TIMMDC1: variants seen among roughly 807,000 people sequenced by gnomAD.
The protein encoded by TIMMDC1 is complex I assembly factor TIMMDC1, mitochondrial.
A neutral mutation model predicts 32.6 loss-of-function variants in TIMMDC1; 25 were observed. The observed-to-expected ratio is 0.77, with a 90% confidence interval of 0.56 to 1.07. The LOEUF is 1.07. Among genes scored for constraint, TIMMDC1 ranks in the 50% least tolerant of loss-of-function variants. The probability of loss-of-function intolerance (pLI) is 0.00; values close to 1 mark genes in which losing one functional copy is unlikely to be tolerated. For synonymous variants in TIMMDC1, 130 were observed against 127.6 expected, an observed-to-expected ratio of 1.02 and a Z score of -0.13; for missense variants, 329 against 349.2, an observed-to-expected ratio of 0.94 and a Z score of 0.46.
intron 4 of TIMMDC1, among the ~76,000 whole-genome samples, chr3:119,512,339 C>T (rs1011911967): frequency 2.0e-5 from 3 of 152,230 alleles, no homozygotes; most frequent in East Asian, 1.9e-4. Context: ...AGTGCAGTGA[C>T]GCGATCTCGG....
In TIMMDC1 at chr3:119,523,843, GC is replaced by G; in HGVS notation, c.*89del. 3 of 1,352,060 alleles carry G rather than the reference GC, an allele frequency of 2.2e-6. No individual in the cohort carries two copies. The highest frequency in any genetic ancestry group is 2.9e-6 in the Non-Finnish European group (3 of 1,021,696). 83.8% of individuals were successfully genotyped at this position (1,352,060 alleles called of 1,614,324 possible). A position where few individuals can be genotyped will look rare whatever the true frequency, so the allele number is the denominator to read the frequency against. ...CAACAGACAGGCCACTCTTTGGTCAGCCTGCTGACAAATTTAAGTGCTGGTA... is the reference window on the plus strand; with the variant it reads ...CAACAGACAGGCCACTCTTTGGTCAGCTGCTGACAAATTTAAGTGCTGGTA... On this transcript the variant is annotated 3_prime_UTR_variant, in exon 7 of 7. Coordinates refer to ENST00000494664, the MANE Select transcript of TIMMDC1 (RefSeq NM_016589.4).
At chr3:119,511,080 C>T (rs1187841612) in intron 4 of TIMMDC1, among the ~76,000 whole-genome samples, 1 of 152,132 alleles carries the variant, frequency 6.6e-6, no homozygotes, top group Non-Finnish European at 1.5e-5. Context: ...TAAAGACATA[C>T]ATTTTTCTTA....
At chr3:119,509,769 T>C (rs1007342416) in intron 4 of TIMMDC1, among the ~76,000 whole-genome samples, 14 of 150,936 alleles carry the variant, frequency 9.3e-5, no homozygotes, top group Non-Finnish European at 1.6e-4. Context: ...CGCTGCAACC[T>C]CCACCTTCCG....
At chr3:119,512,492 T>C (rs1424848953) in intron 4 of TIMMDC1, among the ~76,000 whole-genome samples, 2 of 152,102 alleles carry the variant, frequency 1.3e-5, no homozygotes, top group East Asian at 3.9e-4. Flanking sequence ...TTGGCCAGGC[T>C]GGTCTTGAAT....
At position 119,503,995 on chromosome 3, in the gene TIMMDC1, C is replaced by G. The variant is rs376259008; in HGVS notation, c.491C>G (p.Ala164Gly). Residue 164 changes from alanine to glycine, a missense_variant, in exon 4 of 7, where the codon GCC becomes GGC. Coordinates refer to ENST00000494664, the MANE Select transcript of TIMMDC1 (RefSeq NM_016589.4). ...CTGAATGTATACCGAAATAAAGATG[C>G]CTTAAGCCATTTTGTAATTGCAGGA... is the stretch of plus-strand genomic sequence containing the variant. ...TSLNVYRNKD[A>G]LSHFVIAGAV... 1.9e-6 allele frequency: 3 copies of G among 1,613,144 alleles called. No individual in the cohort carries two copies. Among genetic ancestry groups the G allele is most frequent in the African/African-American group, 2.7e-5 (2 of 74,882 alleles).
rs757739067 is a variant in TIMMDC1 at position 119,498,688 on chromosome 3, T to G, written c.-46T>G. 4 of 1,593,092 alleles carry G rather than the reference T, an allele frequency of 2.5e-6. No homozygotes were observed. The highest frequency in any genetic ancestry group is 3.4e-5 in the Admixed American group (2 of 59,152). Reference sequence around the variant, plus strand: ...TCTCCCGCGGCACGTCCGCGAGGACTTGAAGTCCTGAGCGCTCAAGTTTGT... The same window carrying G: ...TCTCCCGCGGCACGTCCGCGAGGACGTGAAGTCCTGAGCGCTCAAGTTTGT... On this transcript the variant is annotated 5_prime_UTR_variant, in exon 1 of 7. Transcript: ENST00000494664.
rs761655693 is a variant in TIMMDC1, at chr3:119,513,627, T to C, written c.518-14T>C. 2 of 1,602,622 alleles carry C rather than the reference T, an allele frequency of 1.2e-6. No individual in the cohort carries two copies. Among genetic ancestry groups the C allele is most frequent in the Non-Finnish European group, 1.7e-6 (2 of 1,169,718 alleles). Reference sequence around the variant, plus strand: ...TAAAGATGATTTAATATTGCCTTTCTTGTTTTTAAATAGCTGTCACGGGAA... The same window carrying C: ...TAAAGATGATTTAATATTGCCTTTCCTGTTTTTAAATAGCTGTCACGGGAA... On this transcript the variant is annotated splice_polypyrimidine_tract_variant and intron_variant, in intron 4 of 6. Coordinates refer to ENST00000494664, the MANE Select transcript of TIMMDC1 (RefSeq NM_016589.4).
intron 6 of TIMMDC1, among the ~76,000 whole-genome samples, chr3:119,517,843 C>T (rs929538780): frequency 1.3e-5 from 2 of 152,112 alleles, no homozygotes; most frequent in Non-Finnish European, 2.9e-5. Flanking sequence ...TGGCACGTGC[C>T]TGTAGTCCCA....
At chr3:119,518,293 G>A (rs901644840) in intron 6 of TIMMDC1, among the ~76,000 whole-genome samples, 1 of 152,090 alleles carries the variant, frequency 6.6e-6, no homozygotes, top group African/African-American at 2.4e-5. Flanking sequence ...GGGTACCTAA[G>A]ACAGCATTGG....
intron 2 of TIMMDC1, among the ~76,000 whole-genome samples, chr3:119,501,187 A>G (rs1323462983): frequency 1.3e-5 from 2 of 152,250 alleles, no homozygotes; most frequent in Non-Finnish European, 2.9e-5. Flanking sequence ...CCATGAGTAT[A>G]GGAGCTCACA....
chr3:119,504,586 A>G (rs1026344025), intron 4 of TIMMDC1, among the ~76,000 whole-genome samples: 2 of 152,182 alleles, frequency 1.3e-5, no homozygotes, highest in Non-Finnish European at 2.9e-5. Context: ...CCTCTAGTAT[A>G]TATATGTATA....
At position 119,498,871 on chromosome 3, in the gene TIMMDC1, A is replaced by G; in HGVS notation, c.138A>G (p.Pro46=). ...EERQKRLPYV[P]EPYYPESGWD... ...GTCAGAAGCGGCTTCCCTACGTCCC[A>G]GAGCCCTATTACCCGGAATCTGGAT... Residue 46 remains proline, a synonymous_variant, in exon 1 of 7, where the codon CCA becomes CCG. Coordinates refer to ENST00000494664, the MANE Select transcript of TIMMDC1 (RefSeq NM_016589.4). 3 of 1,614,180 alleles carry G rather than the reference A, an allele frequency of 1.9e-6. No individual in the cohort carries two copies. The highest frequency in any genetic ancestry group is 2.5e-6 in the Non-Finnish European group (3 of 1,180,024).
chr3:119,521,268 T>C (rs1382809668), intron 6 of TIMMDC1, among the ~76,000 whole-genome samples: 1 of 152,090 alleles, frequency 6.6e-6, no homozygotes, highest in Non-Finnish European at 1.5e-5. Context: ...ATAAAGGGCA[T>C]TGGAGGCCAG....
Position 119,522,804 on chromosome 3 carries a change from T to TG in TIMMDC1, c.708-802_708-801insG, listed in dbSNP as rs1553780708. On this transcript the variant is annotated intron_variant, in intron 6 of 6. Transcript: ENST00000494664. The stretch of plus-strand genomic sequence containing the variant: ...GTATAGCATATACACGTATGGGTGT[T>TG]TGTGTGTGTGTGTGTGTGTGTGTGT... 1.0e-3 allele frequency among the ~76,000 whole-genome samples: 150 copies of TG among 148,754 alleles called. 2 individuals carry two copies. Among genetic ancestry groups the TG allele is most frequent in the Middle Eastern group, 7.1e-3 (2 of 280 alleles).
chr3:119,499,014 C>T, intron 1 of TIMMDC1, 87 bp downstream of exon 1: 2 of 1,088,612 alleles, frequency 1.8e-6, no homozygotes, highest in Non-Finnish European at 2.7e-6. Flanking sequence ...CCTTAGGACA[C>T]CAAGGATGGT....
chr3:119,507,503 T>C (rs527268211), intron 4 of TIMMDC1, among the ~76,000 whole-genome samples: 205 of 152,350 alleles, frequency 1.3e-3, no homozygotes, highest in African/African-American at 4.8e-3. Flanking sequence ...TGATTCTCTC[T>C]TCGAATTTCC....
intron 3 of TIMMDC1, 117 bp downstream of exon 3, chr3:119,503,737 C>A: frequency 1.4e-6 from 1 of 734,062 alleles, no homozygotes; most frequent in Non-Finnish European, 1.9e-6. Flanking sequence ...ATTAATAATG[C>A]CTTTTTTTTT....
chr3:119,517,165 G>T lies in TIMMDC1; in HGVS notation c.597-40G>T, dbSNP rs2107734018. The T allele has an allele frequency of 2.3e-6, 3 of 1,327,320 alleles. No homozygotes were observed. The South Asian group carries it at 3.5e-5, about 16-fold the overall frequency. 82.2% of individuals were successfully genotyped at this position (1,327,320 alleles called of 1,614,324 possible). A position where few individuals can be genotyped will look rare whatever the true frequency, so the allele number is the denominator to read the frequency against. On this transcript the variant is annotated intron_variant, in intron 5 of 6. Coordinates refer to ENST00000494664, the MANE Select transcript of TIMMDC1 (RefSeq NM_016589.4). ...AATCTCACATGTTGCAAGGTCTAATGACTCGTTTTTCCTAAGCTTTCCCTC... is the reference window on the plus strand; with the variant it reads ...AATCTCACATGTTGCAAGGTCTAATTACTCGTTTTTCCTAAGCTTTCCCTC...
intron 1 of TIMMDC1, chr3:119,500,472 T>G (rs1375312496): frequency 9.3e-6 from 4 of 431,864 alleles, no homozygotes; most frequent in Non-Finnish European, 1.6e-5. Context: ...CCGGTCATTG[T>G]CTTTTCAGGA....
Sources: gnomAD v4.1 joint callset for allele counts (sites outside exome capture counted in the v4.1 genomes callset) on GRCh38, gnomAD v4.1.1 for gene constraint, MANE v1.5 for transcripts, NCBI Gene and HGNC (gene_info 2026-07-23, HGNC 2026-07-21) for gene names.